ASIC2: variants seen among roughly 807,000 people sequenced by gnomAD.
The protein encoded by ASIC2 is acid sensing ion channel subunit 2.
A neutral mutation model predicts 57.3 loss-of-function variants in ASIC2; 25 were observed. The observed-to-expected ratio is 0.44, with a 90% CI of 0.32 to 0.61. The LOEUF (loss-of-function observed/expected upper bound fraction) is 0.61. Ranked by LOEUF, ASIC2 falls within the 20% of genes least tolerant of loss-of-function variation. ASIC2 has a pLI of 0.06. For synonymous variants in ASIC2, 319 were observed against 307.5 expected (o/e 1.04, Z -0.39); for missense variants, 641 against 738.1 (o/e 0.87, Z 1.52).
intron 1 of ASIC2, among the ~76,000 whole-genome samples, chr17:33,887,355 G>C (rs757378564): frequency 3.3e-5 from 5 of 152,116 alleles, no homozygotes; most frequent in African/African-American, 7.2e-5. Context: ...CTATGATCAG[G>C]GTTCATCAAA....
chr17:34,081,660 C>T (rs1231011872), intron 1 of ASIC2, among the ~76,000 whole-genome samples: 2 of 152,208 alleles, frequency 1.3e-5, no homozygotes, highest in Non-Finnish European at 2.9e-5. Flanking sequence ...AGGCTCTGCA[C>T]AGAATTTCAC....
At chr17:33,406,399 G>T (rs1008098106) in intron 1 of ASIC2, among the ~76,000 whole-genome samples, 29 of 152,124 alleles carry the variant, frequency 1.9e-4, no homozygotes, top group Non-Finnish European at 4.4e-5. Flanking sequence ...AATGATGGGT[G>T]GGCCAAGTCT....
At chr17:33,020,962 T>C (rs1261467970) in intron 7 of ASIC2, among the ~76,000 whole-genome samples, 1 of 152,134 alleles carries the variant, frequency 6.6e-6, no homozygotes, top group Non-Finnish European at 1.5e-5. Flanking sequence ...AGGCTGACCG[T>C]CCTCATTGCA....
At chr17:33,840,166 T>G (rs892744342) in intron 1 of ASIC2, among the ~76,000 whole-genome samples, 4 of 152,186 alleles carry the variant, frequency 2.6e-5, no homozygotes, top group African/African-American at 9.7e-5. Context: ...AGTTGGACAC[T>G]AGAAATATTA....
chr17:33,344,315 C>T (rs141466087), intron 1 of ASIC2, among the ~76,000 whole-genome samples: 1,672 of 152,218 alleles, frequency 0.011, 22 homozygotes, highest in Middle Eastern at 0.071. Context: ...TTGGCAGGGA[C>T]GTACAGATTT....
At chr17:33,157,070 G>T (rs1417412937) in intron 1 of ASIC2, among the ~76,000 whole-genome samples, 1 of 151,990 alleles carries the variant, frequency 6.6e-6, no homozygotes, top group Non-Finnish European at 1.5e-5. Context: ...GTCAGGATGG[G>T]GACTCAGGGA....
intron 1 of ASIC2, among the ~76,000 whole-genome samples, chr17:33,816,172 G>T (rs570330197): frequency 1.4e-5 from 2 of 148,130 alleles, no homozygotes; most frequent in Admixed American, 6.6e-5. Flanking sequence ...CCAACTGAAG[G>T]GGGGGCGGGT....
intron 1 of ASIC2, among the ~76,000 whole-genome samples, chr17:33,652,330 T>G (rs1906946406): frequency 6.6e-6 from 1 of 152,188 alleles, no homozygotes; most frequent in African/African-American, 2.4e-5. Context: ...GACACTGGAA[T>G]GTCCTCAGAC....
chr17:33,505,430 G>A lies in ASIC2; in HGVS notation c.556-393363C>T, dbSNP rs150654545. On this transcript the variant is annotated intron_variant, in intron 1 of 9. Transcript: ENST00000359872. ...GCAGTTAATTTTCTTTCCATACTTT[G>A]TTTTATCTCCAGTTTAAACATTATT... Among the ~76,000 whole-genome samples, 831 of 151,706 alleles carry A rather than the reference G, an allele frequency of 5.5e-3. 5 individuals carry two copies. Among genetic ancestry groups the A allele is most frequent in the Non-Finnish European group, 9.2e-3 (624 of 67,922 alleles).
chr17:34,009,653 T>A (rs987221434), intron 1 of ASIC2, among the ~76,000 whole-genome samples: 1 of 152,198 alleles, frequency 6.6e-6, no homozygotes, highest in African/African-American at 2.4e-5. Flanking sequence ...CTGAGGGAAG[T>A]AAGTACCATT....
At chr17:33,594,078 T>A (rs368669301) in intron 1 of ASIC2, among the ~76,000 whole-genome samples, 1 of 152,248 alleles carries the variant, frequency 6.6e-6, no homozygotes, top group East Asian at 1.9e-4. Context: ...CAGATGCAAG[T>A]CATCTTGCTA....
rs1906531544 is a variant in ASIC2 at position 34,006,554 on chromosome 17, T to C, written c.555+149424A>G. The C allele has an allele frequency of 2.0e-5, 3 of 152,240 alleles. No individual in the cohort carries two copies. The South Asian group carries it at 6.2e-4, about 32-fold the overall frequency. The allele number at this position is 152,240 out of a possible 1,614,324, so 9.4% of individuals were successfully genotyped here. A position where few individuals can be genotyped will look rare whatever the true frequency, so the allele number is the denominator to read the frequency against. Reference sequence around the variant, plus strand: ...TATCACCTACTTTTTAGGTTTTTCTTAGGTGAGAGCCATTGTTATCTTATT... The same window carrying C: ...TATCACCTACTTTTTAGGTTTTTCTCAGGTGAGAGCCATTGTTATCTTATT... On this transcript the variant is annotated intron_variant, in intron 1 of 9. Coordinates refer to the ASIC2 transcript ENST00000359872.
At chr17:34,033,901 G>T (rs1329680892) in intron 1 of ASIC2, among the ~76,000 whole-genome samples, 2 of 152,180 alleles carry the variant, frequency 1.3e-5, no homozygotes, top group African/African-American at 2.4e-5. Context: ...TCCAGGACCA[G>T]ATGGATTCAC....
intron 1 of ASIC2, among the ~76,000 whole-genome samples, chr17:33,282,869 G>C (rs1434774913): frequency 6.6e-6 from 1 of 151,890 alleles, no homozygotes; most frequent in Non-Finnish European, 1.5e-5. Context: ...GATTACACTG[G>C]GCCCATCCAG....
chr17:33,346,483 TGTATATGAAAATGCGTGG>T (rs369839590), intron 1 of ASIC2, among the ~76,000 whole-genome samples: 149 of 152,194 alleles, frequency 9.8e-4, no homozygotes, highest in African/African-American at 3.4e-3. Context: ...ATTTTCTATG[TGTATATGAAAATGCGTGG>T]GTATGCACAC....
chr17:33,112,237 G>A (rs1422519460), intron 1 of ASIC2, 170 bp from the exon 2 acceptor site: 2 of 893,346 alleles, frequency 2.2e-6, no homozygotes, highest in Non-Finnish European at 3.2e-6. Flanking sequence ...GGCCTGACTT[G>A]TACCAAGTGA....
At chr17:34,050,479 A>G (rs775933384) in intron 1 of ASIC2, among the ~76,000 whole-genome samples, 1 of 152,196 alleles carries the variant, frequency 6.6e-6, no homozygotes, top group East Asian at 1.9e-4. Context: ...ATCTCTTCCC[A>G]CTTAATCAGA....
chr17:33,482,940 T>C (rs1006255885), intron 1 of ASIC2, among the ~76,000 whole-genome samples: 2 of 152,190 alleles, frequency 1.3e-5, no homozygotes, highest in Non-Finnish European at 2.9e-5. Context: ...TTGACTCCAT[T>C]TCCCCAGTGA....
At chr17:33,598,762 T>G (rs530076959) in intron 1 of ASIC2, among the ~76,000 whole-genome samples, 39 of 152,336 alleles carry the variant, frequency 2.6e-4, no homozygotes, top group African/African-American at 9.4e-4. Context: ...TGTAAGACAT[T>G]GGTGCCTCCA....
Sources: allele counts gnomAD v4.1 joint callset (sites outside exome capture counted in the v4.1 genomes callset), GRCh38; gene constraint gnomAD v4.1.1; transcripts MANE v1.5; gene names NCBI Gene and HGNC (gene_info 2026-07-23, HGNC 2026-07-21).